The following SLC4A5 variants were observed in gnomAD, a reference collection of about 807,000 sequenced individuals.
The protein encoded by SLC4A5 is electrogenic sodium bicarbonate cotransporter 4.
SLC4A5 carries 96 observed loss-of-function variants against 120.4 expected under a neutral mutation model. The ratio of observed to expected loss-of-function variants is 0.80; its 90% CI spans 0.68 to 0.94. The LOEUF (loss-of-function observed/expected upper bound fraction) is 0.94, where lower values mean the gene tolerates loss of function less well. SLC4A5 is among the 40% of genes least tolerant of loss of function. The pLI is 0.00. For missense variants in SLC4A5, 1,259 were observed against 1,459.5 expected (o/e 0.86, Z 2.24); for synonymous variants, 550 against 571.1 (o/e 0.96, Z 0.53).
At chr2:74,304,767 G>T in intron 6 of SLC4A5, 87 bp from the exon 7 acceptor site, 1 of 1,338,128 alleles carries the variant, frequency 7.5e-7, no homozygotes, top group Non-Finnish European at 1.0e-6. Flanking sequence ...AAAGAGATTG[G>T]GCTGCAGAAG....
chr2:74,307,300 G>C, intron 6 of SLC4A5: 1 of 537,358 alleles, frequency 1.9e-6, no homozygotes, highest in Non-Finnish European at 3.5e-6. Context: ...TAAGATTTGG[G>C]GACATGTACC....
At chr2:74,320,132 T>C (rs942849280) in intron 5 of SLC4A5, among the ~76,000 whole-genome samples, 32 of 151,848 alleles carry the variant, frequency 2.1e-4, no homozygotes, top group African/African-American at 7.5e-4. Flanking sequence ...ACAAATACTA[T>C]GACAAAACAA....
In SLC4A5 at chr2:74,314,937, G is replaced by T. The variant is rs1238894710; in HGVS notation, c.79+8C>A. 1 of 1,613,084 alleles carries T rather than the reference G, an allele frequency of 6.2e-7. No individual in the cohort carries two copies. ...GAGATTTGCATCAAGTCCTCAAAGT[G>T]ACCTCACCTTTCTGATCCGGAAATC... On this transcript the variant is annotated splice_region_variant and intron_variant, in intron 6 of 30. Coordinates refer to ENST00000394019, the Ensembl canonical transcript of SLC4A5.
intron 7 of SLC4A5, among the ~76,000 whole-genome samples, chr2:74,301,755 G>C (rs1415861939): frequency 6.6e-6 from 1 of 152,208 alleles, no homozygotes. Context: ...GAAAGACTGA[G>C]GGTTGAGACT....
intron 9 of SLC4A5, 99 bp from the exon 10 acceptor site, chr2:74,264,398 C>G (rs1468222763): frequency 1.0e-5 from 14 of 1,389,730 alleles, no homozygotes; most frequent in Non-Finnish European, 1.4e-5. Context: ...TTAAATGTGG[C>G]AGAGGGGGTG....
chr2:74,298,849 C>T (rs1672400157), intron 7 of SLC4A5, among the ~76,000 whole-genome samples: 1 of 152,130 alleles, frequency 6.6e-6, no homozygotes, highest in Non-Finnish European at 1.5e-5. Context: ...AGTTCAAGTC[C>T]AGCCTGGGCA....
At chr2:74,282,074 T>C (rs1299661928) in intron 8 of SLC4A5, among the ~76,000 whole-genome samples, 1 of 152,182 alleles carries the variant, frequency 6.6e-6, no homozygotes, top group East Asian at 1.9e-4. Flanking sequence ...CTGCTATTTT[T>C]TTGTGGGGGT....
At chr2:74,288,719 C>A (rs1672063446) in intron 7 of SLC4A5, among the ~76,000 whole-genome samples, 1 of 152,192 alleles carries the variant, frequency 6.6e-6, no homozygotes, top group African/African-American at 2.4e-5. Context: ...TGTGTCCAGG[C>A]AATACACCCA....
intron 8 of SLC4A5, among the ~76,000 whole-genome samples, chr2:74,271,402 T>G (rs993783432): frequency 4.6e-5 from 7 of 152,172 alleles, no homozygotes; most frequent in African/African-American, 1.7e-4. Context: ...CTCAGTCATA[T>G]CCTAGACCAG....
At chr2:74,308,255 G>A (rs1056042755) in intron 6 of SLC4A5, among the ~76,000 whole-genome samples, 3 of 152,126 alleles carry the variant, frequency 2.0e-5, no homozygotes, top group Non-Finnish European at 4.4e-5. Flanking sequence ...GAACATGATC[G>A]CTGGTTCGGA....
intron 5 of SLC4A5, among the ~76,000 whole-genome samples, 153 bp downstream of exon 5, chr2:74,327,967 C>G (rs1673258199): frequency 6.6e-6 from 1 of 152,216 alleles, no homozygotes; most frequent in Non-Finnish European, 1.5e-5. Flanking sequence ...ATCCTATACT[C>G]ATTTGGAAGA....
chr2:74,231,827 G>A (rs964109435), intron 24 of SLC4A5, among the ~76,000 whole-genome samples: 1 of 152,192 alleles, frequency 6.6e-6, no homozygotes, highest in African/African-American at 2.4e-5. Context: ...CCCTGCAGTC[G>A]GGCAGAGAAG....
Position 74,242,093 on chromosome 2 carries a change from T to G in SLC4A5, c.2060-41A>C, listed in dbSNP as rs149392952. On this transcript the variant is annotated intron_variant, in intron 19 of 30. Transcript: ENST00000394019. ...TGACACGGGGCAGGGTCAGCAGCTG[T>G]GGGGCTGGGAGCTGCATTCCCAACC... 145 of 1,579,426 alleles carry G rather than the reference T, an allele frequency of 9.2e-5. No homozygotes were observed. In the East Asian group the frequency reaches 3.3e-3, roughly 36 times the overall value.
intron 6 of SLC4A5, among the ~76,000 whole-genome samples, chr2:74,305,571 C>A (rs1344634932): frequency 6.6e-6 from 1 of 152,062 alleles, no homozygotes; most frequent in South Asian, 2.1e-4. Context: ...GTTTACTCTT[C>A]TATTGTATAG....
intron 8 of SLC4A5, among the ~76,000 whole-genome samples, chr2:74,281,950 C>G (rs114485269): frequency 0.014 from 2,175 of 152,332 alleles, 69 homozygotes; most frequent in African/African-American, 0.05. Context: ...TCATTTTCTC[C>G]TGTTACTCTA....
At chr2:74,302,260 A>G (rs1332693938) in intron 7 of SLC4A5, among the ~76,000 whole-genome samples, 1 of 152,144 alleles carries the variant, frequency 6.6e-6, no homozygotes, top group East Asian at 1.9e-4. Flanking sequence ...CAAGCCAGTA[A>G]CACACACACA....
intron 8 of SLC4A5, among the ~76,000 whole-genome samples, chr2:74,272,414 C>T (rs1161863456): frequency 6.6e-6 from 1 of 152,180 alleles, no homozygotes; most frequent in African/African-American, 2.4e-5. Context: ...CTTGCAAAAG[C>T]CTGATAATAA....
intron 30 of SLC4A5, among the ~76,000 whole-genome samples, chr2:74,220,700 T>C (rs928934567): frequency 6.7e-6 from 1 of 148,526 alleles, no homozygotes; most frequent in Non-Finnish European, 1.5e-5. Context: ...GTATTTTTAG[T>C]AGAGACAGGG....
chr2:74,324,774 C>T (rs557832966), intron 5 of SLC4A5, among the ~76,000 whole-genome samples: 1 of 152,192 alleles, frequency 6.6e-6, no homozygotes, highest in South Asian at 2.1e-4. Flanking sequence ...CCATGTGACC[C>T]AGGCTGGTCA....
Sources: gnomAD v4.1 joint callset for allele counts (sites outside exome capture counted in the v4.1 genomes callset) on GRCh38, gnomAD v4.1.1 for gene constraint, MANE v1.5 for transcripts, NCBI Gene and HGNC (gene_info 2026-07-23, HGNC 2026-07-21) for gene names.